Variants in ADAMTSL3 observed in about 807,000 individuals in gnomAD.
The protein encoded by ADAMTSL3 is ADAMTS-like protein 3.
A neutral mutation model predicts 201.7 loss-of-function variants in ADAMTSL3; 128 were observed. The observed-to-expected ratio is 0.63, with a 90% confidence interval of 0.55 to 0.73. The LOEUF (loss-of-function observed/expected upper bound fraction) is 0.73, where lower values mean the gene tolerates loss of function less well. ADAMTSL3 is among the 30% of genes least tolerant of loss of function. ADAMTSL3 has a pLI of 0.00. For missense variants in ADAMTSL3, 1,990 were observed against 2,119.6 expected, an observed-to-expected ratio of 0.94 and a Z score of 1.20; for synonymous variants, 738 against 748.4, an observed-to-expected ratio of 0.99 and a Z score of 0.23.
intron 3 of ADAMTSL3, among the ~76,000 whole-genome samples, chr15:83,719,066 A>G (rs933415337): frequency 1.3e-5 from 2 of 152,224 alleles, no homozygotes; most frequent in Non-Finnish European, 2.9e-5. Context: ...AAAGTCGCAA[A>G]AAGGGAGACA....
chr15:83,823,022 G>A (rs1443550297), intron 6 of ADAMTSL3, among the ~76,000 whole-genome samples: 3 of 151,974 alleles, frequency 2.0e-5, no homozygotes, highest in South Asian at 2.1e-4. Context: ...GCGAAACCCC[G>A]TCTCCACCAA....
intron 26 of ADAMTSL3, among the ~76,000 whole-genome samples, chr15:84,022,967 A>G (rs1483574204): frequency 6.6e-6 from 1 of 152,178 alleles, no homozygotes; most frequent in Admixed American, 6.5e-5. Flanking sequence ...CAGGGAAACC[A>G]TCCCTGAACT....
At chr15:83,855,266 T>A (rs2064707135) in intron 7 of ADAMTSL3, among the ~76,000 whole-genome samples, 1 of 152,218 alleles carries the variant, frequency 6.6e-6, no homozygotes. Flanking sequence ...CAGGAATATG[T>A]TGGAGTTTTT....
chr15:83,817,638 T>C lies in ADAMTSL3; in HGVS notation c.364-2173T>C, dbSNP rs143654922. ...TTCACTATGAAGTTTAATAGTTTCA[T>C]CTGCTGAAAATAATAAAAAGACAAA... On this transcript the variant is annotated intron_variant, in intron 5 of 29. Transcript: ENST00000286744. 3.5e-4 allele frequency among the ~76,000 whole-genome samples: 53 copies of C among 152,348 alleles called. 2 individuals are homozygous for C. In the East Asian group the frequency reaches 9.1e-3, roughly 26 times the overall value.
intron 3 of ADAMTSL3, among the ~76,000 whole-genome samples, chr15:83,738,889 C>G (rs1332401936): frequency 1.3e-5 from 2 of 151,278 alleles, no homozygotes; most frequent in Non-Finnish European, 2.9e-5. Context: ...GAGCAAGACT[C>G]CATATCAAAA....
intron 3 of ADAMTSL3, among the ~76,000 whole-genome samples, chr15:83,759,223 A>G (rs555808676): frequency 1.9e-4 from 28 of 149,866 alleles, no homozygotes; most frequent in African/African-American, 6.3e-4. Flanking sequence ...ATCATTTTTG[A>G]ATGACATTTT....
At chr15:83,688,753 T>TACACACACACACAC (rs371646287) in intron 2 of ADAMTSL3, among the ~76,000 whole-genome samples, 35 of 147,654 alleles carry the variant, frequency 2.4e-4, no homozygotes, top group African/African-American at 6.3e-4. Flanking sequence ...CATGCATATA[T>TACACACACACACAC]ATACACACAC....
In ADAMTSL3 at chr15:83,801,665, T is replaced by TATAAATATAA. The variant is rs1567154102; in HGVS notation, c.318-2982_318-2981insAATATAAATA. ...ATATAAATATAAATATATATATATA[T>TATAAATATAA]ATATATATATATATATATATATATA... On this transcript the variant is annotated intron_variant, in intron 4 of 29. Transcript: ENST00000286744. Among the ~76,000 whole-genome samples the TATAAATATAA allele has an allele frequency of 1.3e-3, 87 of 64,638 alleles. 1 individual carries two copies. The highest frequency in any genetic ancestry group is 4.6e-3 in the African/African-American group (85 of 18,558). The allele number at this position is 64,638 out of a possible 152,430, so 42.4% of individuals were successfully genotyped here. A position where few individuals can be genotyped will look rare whatever the true frequency, so the allele number is the denominator to read the frequency against.
intron 4 of ADAMTSL3, among the ~76,000 whole-genome samples, chr15:83,781,267 T>C (rs908981633): frequency 6.6e-6 from 1 of 152,048 alleles, no homozygotes; most frequent in East Asian, 1.9e-4. Context: ...GATGGACACA[T>C]AGACTAATGG....
chr15:83,773,407 T>C (rs1168883876), intron 3 of ADAMTSL3, 116 bp from the exon 4 acceptor site: 5 of 1,191,516 alleles, frequency 4.2e-6, no homozygotes, highest in Non-Finnish European at 5.8e-6. Flanking sequence ...TCTGTCTCAA[T>C]TAAAAAAAAA....
chr15:83,749,625 A>G (rs1596136818), intron 3 of ADAMTSL3, among the ~76,000 whole-genome samples: 1 of 152,326 alleles, frequency 6.6e-6, no homozygotes, highest in East Asian at 1.9e-4. Context: ...GGACATTAAG[A>G]AAACACTAGA....
chr15:83,841,848 C>T (rs1338100180), intron 7 of ADAMTSL3, among the ~76,000 whole-genome samples: 3 of 151,914 alleles, frequency 2.0e-5, no homozygotes, highest in Non-Finnish European at 4.4e-5. Flanking sequence ...CCCCAAGACC[C>T]TAGCAGTCAC....
At chr15:83,890,392 A>G (rs2065480100) in intron 11 of ADAMTSL3, 145 bp downstream of exon 11, 17 of 1,026,170 alleles carry the variant, frequency 1.7e-5, no homozygotes, top group Middle Eastern at 2.1e-4. Flanking sequence ...ATTTGTAACT[A>G]TGGTGCATAG....
At chr15:83,688,581 C>A (rs562478621) in intron 2 of ADAMTSL3, among the ~76,000 whole-genome samples, 14 of 151,274 alleles carry the variant, frequency 9.3e-5, no homozygotes, top group Non-Finnish European at 1.8e-4. Flanking sequence ...ATATTTTTAA[C>A]CTTTACGTTC....
chr15:83,761,643 T>C (rs2062809984), intron 3 of ADAMTSL3, among the ~76,000 whole-genome samples: 1 of 152,218 alleles, frequency 6.6e-6, no homozygotes, highest in African/African-American at 2.4e-5. Context: ...AGTTCTCTCT[T>C]TTTAATCTTA....
chr15:83,817,166 A>G (rs1408220929), intron 5 of ADAMTSL3, among the ~76,000 whole-genome samples: 3 of 152,258 alleles, frequency 2.0e-5, no homozygotes, highest in Admixed American at 1.3e-4. Context: ...ATTATATTCT[A>G]TCTATTCCCT....
At chr15:83,937,519 G>C (rs2066481646) in intron 17 of ADAMTSL3, among the ~76,000 whole-genome samples, 1 of 150,818 alleles carries the variant, frequency 6.6e-6, no homozygotes, top group East Asian at 1.9e-4. Flanking sequence ...AGGGTGGAAG[G>C]TTGGAGAAGG....
At chr15:83,824,108 A>G (rs1172145423) in intron 6 of ADAMTSL3, among the ~76,000 whole-genome samples, 1 of 150,418 alleles carries the variant, frequency 6.6e-6, no homozygotes, top group East Asian at 2.0e-4. Context: ...CAGCAACATG[A>G]TCATGCCTCA....
At chr15:83,705,809 A>G (rs1022038963) in intron 3 of ADAMTSL3, among the ~76,000 whole-genome samples, 1 of 152,200 alleles carries the variant, frequency 6.6e-6, no homozygotes, top group Admixed American at 6.5e-5. Flanking sequence ...GTGACCCTCC[A>G]GACCGCTGTG....
Sources: gnomAD v4.1 joint callset for allele counts (sites outside exome capture counted in the v4.1 genomes callset) on GRCh38, gnomAD v4.1.1 for gene constraint, MANE v1.5 for transcripts, NCBI Gene and HGNC (gene_info 2026-07-23, HGNC 2026-07-21) for gene names.